Variants in CAPSL observed in about 807,000 individuals in gnomAD.
The protein encoded by CAPSL is calcyphosine like, also known as calcyphosin-like protein.
CAPSL carries 17 observed loss-of-function variants against 21.3 expected under a neutral mutation model. The observed-to-expected ratio is 0.80, with a 90% confidence interval of 0.55 to 1.20. The LOEUF is 1.20. Ranked by LOEUF, CAPSL falls within the 50% of genes most tolerant of loss-of-function variation. The probability of loss-of-function intolerance (pLI) is 0.00; values close to 1 mark genes in which losing one functional copy is unlikely to be tolerated. For synonymous variants in CAPSL, 102 were observed against 89.3 expected, an observed-to-expected ratio of 1.14 and a Z score of -0.80; for missense variants, 289 against 259.3, an observed-to-expected ratio of 1.11 and a Z score of -0.79.
chr5:35,925,860 T>G (rs1236187918), intron 1 of CAPSL, among the ~76,000 whole-genome samples: 1 of 152,036 alleles, frequency 6.6e-6, no homozygotes, highest in Non-Finnish European at 1.5e-5. Flanking sequence ...GCGGATCACC[T>G]GAGGTCAGGA....
intron 3 of CAPSL, 72 bp from the exon 4 acceptor site, chr5:35,910,147 A>T: frequency 7.9e-7 from 1 of 1,266,806 alleles, no homozygotes; most frequent in Non-Finnish European, 1.1e-6. Flanking sequence ...TATGTGATAA[A>T]ATATCTCATT....
At chr5:35,935,827 C>G (rs1738932528) in intron 1 of CAPSL, among the ~76,000 whole-genome samples, 1 of 152,150 alleles carries the variant, frequency 6.6e-6, no homozygotes, top group South Asian at 2.1e-4. Flanking sequence ...TTCTGACCAT[C>G]TGGTACCAGT....
rs112546964 is a variant in CAPSL, at chr5:35,910,608, A to T, written c.138-65T>A. On this transcript the variant is annotated intron_variant, in intron 2 of 4. Transcript: ENST00000651391. The stretch of plus-strand genomic sequence containing the variant: ...AATAACAGGTGTAAGTGTAAAGATT[A>T]AAAAAAAATCCACACTCAAGGTTTC... 284 of 1,113,940 alleles carry T rather than the reference A, an allele frequency of 2.5e-4. No individual in the cohort carries two copies. In the African/African-American group the frequency reaches 3.7e-3, roughly 15 times the overall value. 69.0% of individuals were successfully genotyped at this position (1,113,940 alleles called of 1,614,324 possible). A position where few individuals can be genotyped will look rare whatever the true frequency, so the allele number is the denominator to read the frequency against.
At chr5:35,919,786 G>A (rs1167467474) in intron 2 of CAPSL, among the ~76,000 whole-genome samples, 1 of 152,194 alleles carries the variant, frequency 6.6e-6, no homozygotes, top group Non-Finnish European at 1.5e-5. Context: ...TTCTGCAAAA[G>A]GCTTAGGATG....
In CAPSL at chr5:35,910,471, A is replaced by G. The variant is rs750825605; in HGVS notation, c.210T>C (p.Asp70=). 9.3e-6 allele frequency: 15 copies of G among 1,613,206 alleles called. No homozygotes were observed. Among genetic ancestry groups the G allele is most frequent in the Non-Finnish European group, 1.3e-5 (15 of 1,179,318 alleles). Residue 70 remains aspartate (D), a synonymous_variant, in exon 3 of 5, where the codon GAT becomes GAC. Transcript: ENST00000651391. ...CTTCTTTTTCCATGACCACAGCATA[A>G]TCATTTAACCCTTTCATAAATTCTT... ...DFKEFMKGLN[D]YAVVMEKEEV...
chr5:35,915,903 G>C (rs1738372686), intron 2 of CAPSL, among the ~76,000 whole-genome samples: 1 of 152,130 alleles, frequency 6.6e-6, no homozygotes, highest in African/African-American at 2.4e-5. Flanking sequence ...TATTCAATTA[G>C]GAAAAGAGGA....
In CAPSL at chr5:35,922,529, A is replaced by G. The variant is rs1015731067; in HGVS notation, c.1-1409T>C. 2.6e-5 allele frequency among the ~76,000 whole-genome samples: 4 copies of G among 152,288 alleles called. No individual in the cohort carries two copies. In the East Asian group the frequency reaches 7.7e-4, roughly 29 times the overall value. ...ACGTCCCAGCTCTTTACTCCACATTAGGAAAAACTTGCTCTGTCTAAAGCT... is the reference window on the plus strand; with the variant it reads ...ACGTCCCAGCTCTTTACTCCACATTGGGAAAAACTTGCTCTGTCTAAAGCT... On this transcript the variant is annotated intron_variant, in intron 1 of 4. Transcript: ENST00000651391.
intron 2 of CAPSL, among the ~76,000 whole-genome samples, 176 bp from the exon 3 acceptor site, chr5:35,910,719 A>AAC (rs1169028049): frequency 6.6e-6 from 1 of 151,970 alleles, no homozygotes; most frequent in Admixed American, 6.6e-5. Context: ...CACACACACA[A>AAC]ACACACACAC....
intron 1 of CAPSL, among the ~76,000 whole-genome samples, chr5:35,926,399 G>A (rs1416544121): frequency 6.6e-6 from 1 of 152,190 alleles, no homozygotes; most frequent in African/African-American, 2.4e-5. Flanking sequence ...AGCTACGGTA[G>A]CAATGGTCCC....
At chr5:35,938,220 C>A (rs570290176) in intron 1 of CAPSL, among the ~76,000 whole-genome samples, 1 of 152,276 alleles carries the variant, frequency 6.6e-6, no homozygotes, top group Non-Finnish European at 1.5e-5. Context: ...AGCAATTCAC[C>A]CAAACCCTTC....
intron 2 of CAPSL, among the ~76,000 whole-genome samples, chr5:35,919,163 A>AAAG (rs1213987972): frequency 7.9e-6 from 1 of 125,866 alleles, no homozygotes; most frequent in African/African-American, 2.9e-5. Flanking sequence ...TCCTGATTAA[A>AAAG]AAAAAAAATA....
At chr5:35,911,798 C>A (rs777212953) in intron 2 of CAPSL, among the ~76,000 whole-genome samples, 2 of 152,140 alleles carry the variant, frequency 1.3e-5, no homozygotes, top group East Asian at 3.9e-4. Flanking sequence ...CCAGCGTGAG[C>A]GATGCAGAAG....
intron 1 of CAPSL, among the ~76,000 whole-genome samples, chr5:35,923,937 T>A (rs1561441673): frequency 6.6e-6 from 1 of 152,198 alleles, no homozygotes; most frequent in Non-Finnish European, 1.5e-5. Flanking sequence ...TGTTACTAGC[T>A]AGATTTAGTC....
At chr5:35,907,106 T>G (rs1378852376) in intron 4 of CAPSL, among the ~76,000 whole-genome samples, 3 of 152,180 alleles carry the variant, frequency 2.0e-5, no homozygotes, top group Non-Finnish European at 4.4e-5. Context: ...AATGAGAGAC[T>G]GGGCACTCCT....
chr5:35,910,783 G>C (rs1332590472), intron 2 of CAPSL, among the ~76,000 whole-genome samples: 1 of 151,822 alleles, frequency 6.6e-6, no homozygotes, highest in Admixed American at 6.6e-5. Context: ...TGTGGAGACA[G>C]TAAAAAGATG....
intron 1 of CAPSL, among the ~76,000 whole-genome samples, chr5:35,934,109 T>C (rs979622724): frequency 1.3e-5 from 2 of 152,218 alleles, no homozygotes; most frequent in African/African-American, 4.8e-5. Flanking sequence ...GTTTTCTTTA[T>C]ACAAAGCTGT....
chr5:35,918,925 A>G (rs1343103204), intron 2 of CAPSL, among the ~76,000 whole-genome samples: 1 of 152,038 alleles, frequency 6.6e-6, no homozygotes, highest in East Asian at 1.9e-4. Flanking sequence ...AGAAAAATAA[A>G]GATTTCAAGA....
intron 1 of CAPSL, among the ~76,000 whole-genome samples, chr5:35,935,468 G>T (rs1247500156): frequency 6.6e-6 from 1 of 151,638 alleles, no homozygotes; most frequent in Non-Finnish European, 1.5e-5. Flanking sequence ...GAGTAGCTAG[G>T]ACTACAGGTG....
chr5:35,925,432 G>A (rs759439645), intron 1 of CAPSL, among the ~76,000 whole-genome samples: 7 of 152,208 alleles, frequency 4.6e-5, no homozygotes, highest in Non-Finnish European at 8.8e-5. Context: ...TAAGGTGAGA[G>A]AGAAAACAAT....
Sources: allele counts gnomAD v4.1 joint callset (sites outside exome capture counted in the v4.1 genomes callset), GRCh38; gene constraint gnomAD v4.1.1; transcripts MANE v1.5; gene names NCBI Gene and HGNC (gene_info 2026-07-23, HGNC 2026-07-21).